BIRC2: variants seen among roughly 807,000 people sequenced by gnomAD.
BIRC2 encodes the protein baculoviral IAP repeat containing 2, also known as baculoviral IAP repeat-containing protein 2.
In BIRC2, 18 loss-of-function variants were observed where a neutral mutation model predicts 60.9. The ratio of observed to expected loss-of-function variants is 0.30; its 90% confidence interval spans 0.20 to 0.44. The LOEUF is 0.44. Among genes scored for constraint, BIRC2 ranks in the 20% least tolerant of loss-of-function variants. The pLI is 1.00. For missense variants in BIRC2, 701 were observed against 728.5 expected (o/e 0.96, Z 0.43); for synonymous variants, 282 against 247.7 (o/e 1.14, Z -1.30).
At position 102,362,912 on chromosome 11, in the gene BIRC2, C is replaced by T; in HGVS notation, c.1012C>T (p.Arg338Ter). Residue 338 changes from arginine (R) to a stop codon, truncating the protein, a stop_gained, in exon 4 of 9, where the codon CGA becomes TGA. Coordinates refer to ENST00000227758, the MANE Select transcript of BIRC2 (RefSeq NM_001166.5). LOFTEE classifies it high-confidence loss of function. ...KWFPRCEFLI[R>*]MKGQEFVDEI... ...ATGTTTTAGGTGTGAGTTCTTGATA[C>T]GAATGAAAGGCCAAGAGTTTGTTGA... 1.9e-6 allele frequency: 3 copies of T among 1,612,220 alleles called. No individual in the cohort carries two copies. Among genetic ancestry groups the T allele is most frequent in the Non-Finnish European group, 2.5e-6 (3 of 1,178,830 alleles).
At chr11:102,364,172 T>C (rs185514933) in intron 5 of BIRC2, among the ~76,000 whole-genome samples, 1,238 of 89,634 alleles carry the variant, frequency 0.014, 49 homozygotes, top group African/African-American at 0.051. Flanking sequence ...TATATATATA[T>C]ATACACACAC....
At chr11:102,375,775 A>G (rs1282036132) in intron 6 of BIRC2, among the ~76,000 whole-genome samples, 1 of 147,764 alleles carries the variant, frequency 6.8e-6, no homozygotes, top group African/African-American at 2.5e-5. Flanking sequence ...GCCAGACTCC[A>G]TCTCAAAAAA....
At chr11:102,359,865 A>T (rs192582666) in intron 3 of BIRC2, among the ~76,000 whole-genome samples, 10 of 151,438 alleles carry the variant, frequency 6.6e-5, no homozygotes, top group African/African-American at 2.4e-4. Flanking sequence ...CTGTACCTGG[A>T]TATCTTTCCC....
At chr11:102,373,608 C>T (rs896097479) in intron 6 of BIRC2, among the ~76,000 whole-genome samples, 3 of 151,472 alleles carry the variant, frequency 2.0e-5, no homozygotes, top group African/African-American at 7.3e-5. Context: ...ACATTTTTTC[C>T]TTCATTTCAA....
At chr11:102,364,673 T>C (rs1951533189) in intron 5 of BIRC2, among the ~76,000 whole-genome samples, 1 of 152,178 alleles carries the variant, frequency 6.6e-6, no homozygotes, top group Admixed American at 6.5e-5. Context: ...TCAAGAAAGA[T>C]TGGCAGATTT....
intron 6 of BIRC2, among the ~76,000 whole-genome samples, chr11:102,373,877 T>C (rs2135823555): frequency 6.7e-6 from 1 of 149,240 alleles, no homozygotes; most frequent in South Asian, 2.1e-4. Flanking sequence ...CTTTTTATTC[T>C]TTTTTCTCTA....
Position 102,349,132 on chromosome 11 carries a change from T to G in BIRC2, c.-723T>G, listed in dbSNP as rs11604189. On this transcript the variant is annotated 5_prime_UTR_variant, in exon 2 of 9. Coordinates refer to ENST00000227758, the MANE Select transcript of BIRC2 (RefSeq NM_001166.5). ...TTAACAAAGATAGAGTTTACAGTTT[T>G]TGAACTTTAAGCCAAATTCATTTGA... is the stretch of plus-strand genomic sequence containing the variant. 8,094 of 152,586 alleles carry G rather than the reference T, an allele frequency of 0.053. 241 individuals carry two copies. The highest frequency in any genetic ancestry group is 0.069 in the Non-Finnish European group (4,693 of 68,188). 9.5% of individuals were successfully genotyped at this position (152,586 alleles called of 1,614,324 possible).
At position 102,377,569 on chromosome 11, in the gene BIRC2, T is replaced by G; in HGVS notation, c.1440T>G (p.Asp480Glu). 1.2e-6 allele frequency: 2 copies of G among 1,611,340 alleles called. No homozygotes were observed. The highest frequency in any genetic ancestry group is 1.7e-6 in the Non-Finnish European group (2 of 1,178,792). Reference sequence around the variant, plus strand: ...TGACATGTGTGCTTCCTATCCTGGATAATCTTTTAAAGGCCAATGTAATTA... The same window carrying G: ...TGACATGTGTGCTTCCTATCCTGGAGAATCTTTTAAAGGCCAATGTAATTA... ...QQLTCVLPILDNLLKANVINK... is the reference protein window; with the variant it reads ...QQLTCVLPILENLLKANVINK... Residue 480 changes from aspartate (D) to glutamate (E), a missense_variant, in exon 7 of 9, where the codon GAT becomes GAG. Around this residue, in one of 4 missense-constraint regions of BIRC2, gnomAD observed 235 missense variants for 208.9 expected, o/e 1.12. Coordinates refer to ENST00000227758, the MANE Select transcript of BIRC2 (RefSeq NM_001166.5).
At chr11:102,365,522 A>G (rs182517306) in intron 5 of BIRC2, among the ~76,000 whole-genome samples, 1 of 152,194 alleles carries the variant, frequency 6.6e-6, no homozygotes, top group Non-Finnish European at 1.5e-5. Context: ...CGTGTTAGCA[A>G]ATCCACTACT....
chr11:102,350,342 C>A lies in BIRC2; in HGVS notation c.488C>A (p.Ser163Tyr). ...AGCCTTTCTCCAAACCCTCTTAATT[C>A]TAGAGCAGTTGAAGACATCTCTTCA... ...YSSLSPNPLNSRAVEDISSSR... is the reference protein window; with the variant it reads ...YSSLSPNPLNYRAVEDISSSR... Residue 163 changes from serine to tyrosine, a missense_variant, in exon 2 of 9, where the codon TCT (serine) becomes TAT (tyrosine). Around this residue, in one of 4 missense-constraint regions of BIRC2, gnomAD observed 375 missense variants for 365.9 expected, o/e 1.02. Coordinates refer to ENST00000227758, the MANE Select transcript of BIRC2 (RefSeq NM_001166.5). 2 of 1,614,222 alleles carry A rather than the reference C, an allele frequency of 1.2e-6. No individual in the cohort carries two copies. The highest frequency in any genetic ancestry group is 2.2e-5 in the South Asian group (2 of 91,090).
chr11:102,354,768 G>A (rs777306956), intron 3 of BIRC2, among the ~76,000 whole-genome samples: 5 of 151,942 alleles, frequency 3.3e-5, no homozygotes, highest in Admixed American at 6.6e-5. Flanking sequence ...TCTTGTCTCC[G>A]ATGATAATAA....
At chr11:102,356,611 G>C (rs534359821) in intron 3 of BIRC2, among the ~76,000 whole-genome samples, 141 of 151,896 alleles carry the variant, frequency 9.3e-4, no homozygotes, top group African/African-American at 3.4e-3. Flanking sequence ...TATCCTGAAA[G>C]GGTGTTGAAT....
intron 3 of BIRC2, among the ~76,000 whole-genome samples, chr11:102,353,852 C>T (rs1312787676): frequency 6.6e-6 from 1 of 152,102 alleles, no homozygotes; most frequent in African/African-American, 2.4e-5. Flanking sequence ...CCCCTTATCC[C>T]TGGCAACCAG....
intron 6 of BIRC2, among the ~76,000 whole-genome samples, chr11:102,374,241 G>T (rs183650235): frequency 6.6e-6 from 1 of 151,418 alleles, no homozygotes; most frequent in Non-Finnish European, 1.5e-5. Flanking sequence ...GAGGAGAGGC[G>T]CTCTGCGTTT....
chr11:102,374,236 G>T (rs1347084786), intron 6 of BIRC2, among the ~76,000 whole-genome samples: 2 of 151,508 alleles, frequency 1.3e-5, no homozygotes, highest in Admixed American at 1.3e-4. Context: ...TGGAAGAGGA[G>T]AGGCGCTCTG....
Position 102,354,244 on chromosome 11 carries a change from C to T in BIRC2, c.995+3301C>T, listed in dbSNP as rs531145410. 7.2e-5 allele frequency among the ~76,000 whole-genome samples: 11 copies of T among 152,294 alleles called. No homozygotes were observed. The South Asian group carries it at 1.9e-3, about 26-fold the overall frequency. ...ATTTATTTTGAGATGGAGTCTCACT[C>T]TGTTGTCCAGGTTGGAGTGCAGTGG... On this transcript the variant is annotated intron_variant, in intron 3 of 8. Coordinates refer to ENST00000227758, the MANE Select transcript of BIRC2 (RefSeq NM_001166.5).
At chr11:102,376,117 T>G (rs1951710724) in intron 6 of BIRC2, among the ~76,000 whole-genome samples, 1 of 152,196 alleles carries the variant, frequency 6.6e-6, no homozygotes, top group Non-Finnish European at 1.5e-5. Context: ...ATTTATGACT[T>G]TCTCATACTT....
intron 3 of BIRC2, among the ~76,000 whole-genome samples, chr11:102,359,714 A>G (rs1951464452): frequency 6.6e-6 from 1 of 152,150 alleles, no homozygotes; most frequent in Admixed American, 6.5e-5. Flanking sequence ...GTGGTCTTAT[A>G]GGGTTTCTCT....
intron 3 of BIRC2, 63 bp from the exon 4 acceptor site, chr11:102,362,833 G>T: frequency 7.7e-7 from 1 of 1,296,588 alleles, no homozygotes. Flanking sequence ...CATTTTTCTA[G>T]AATGATCAGG....
Sources: gnomAD v4.1 joint callset for allele counts (sites outside exome capture counted in the v4.1 genomes callset) on GRCh38, gnomAD v4.1.1 for gene constraint, gnomAD v4.1.1 regional missense constraint, MANE v1.5 for transcripts, NCBI Gene and HGNC (gene_info 2026-07-23, HGNC 2026-07-21) for gene names.